Variants in ZNF831 observed in about 807,000 individuals in gnomAD.
ZNF831 encodes chromosome 20 open reading frame 174.
Under a neutral mutation model 95.8 loss-of-function variants are expected in ZNF831, and 59 were observed. That is an observed-to-expected ratio of 0.62 (90% CI 0.50 to 0.77). The LOEUF (loss-of-function observed/expected upper bound fraction) is 0.77, where lower values mean the gene tolerates loss of function less well. Ranked by LOEUF, ZNF831 falls within the 30% of genes least tolerant of loss-of-function variation. The probability of loss-of-function intolerance (pLI) is 0.00; values close to 1 mark genes in which losing one functional copy is unlikely to be tolerated. For synonymous variants in ZNF831, 961 were observed against 925.5 expected, an observed-to-expected ratio of 1.04 and a Z score of -0.70; for missense variants, 2,205 against 2,164.0, an observed-to-expected ratio of 1.02 and a Z score of -0.38.
chr20:59,238,794 A>G (rs1987149654), intron 4 of ZNF831, among the ~76,000 whole-genome samples: 1 of 152,038 alleles, frequency 6.6e-6, no homozygotes, highest in Non-Finnish European at 1.5e-5. Context: ...ATGCTATTTC[A>G]TCTCCTCTCG....
At position 59,169,412 on chromosome 20, in the gene ZNF831, G is replaced by A. The variant is rs1379747879; in HGVS notation, c.-37+5205G>A. 1.3e-5 allele frequency among the ~76,000 whole-genome samples: 2 copies of A among 152,116 alleles called. No individual in the cohort carries two copies. The highest frequency in any genetic ancestry group is 4.8e-5 in the African/African-American group (2 of 41,410). ...GTAGTGATAGCCCATTTTCCTTCCT[G>A]ACATTGATAGTTTGTGTCTTCTCTC... On this transcript the variant is annotated intron_variant, in intron 1 of 5. Transcript: ENST00000371030. This position sits in a 1 kb window ranked among gnomAD's most constrained non-coding sequence, Gnocchi z 4.1.
At chr20:59,219,780 A>G (rs1274775960) in intron 4 of ZNF831, among the ~76,000 whole-genome samples, 1 of 152,194 alleles carries the variant, frequency 6.6e-6, no homozygotes, top group Non-Finnish European at 1.5e-5. Flanking sequence ...TTTATCTAAA[A>G]TGCTAAGTGT....
chr20:59,252,925 C>G (rs1987968755), intron 4 of ZNF831, 53 bp from the exon 5 acceptor site: 1 of 1,569,528 alleles, frequency 6.4e-7, no homozygotes, highest in Admixed American at 1.8e-5. Flanking sequence ...GGAAATTACT[C>G]TTTGCTAATT....
At chr20:59,173,198 T>C (rs1208445937) in intron 1 of ZNF831, among the ~76,000 whole-genome samples, 1 of 152,232 alleles carries the variant, frequency 6.6e-6, no homozygotes, top group Admixed American at 6.5e-5. Flanking sequence ...CAAGATGTCC[T>C]CACCTCGAGT....
At position 59,210,869 on chromosome 20, in the gene ZNF831, T is replaced by C. The variant is rs1279171256; in HGVS notation, c.4027+3813T>C. Among the ~76,000 whole-genome samples the C allele has an allele frequency of 2.5e-5, 2 of 79,222 alleles. 1 individual carries two copies. The highest frequency in any genetic ancestry group is 1.4e-4 in the African/African-American group (2 of 13,986). 52.0% of individuals were successfully genotyped at this position (79,222 alleles called of 152,430 possible). A position where few individuals can be genotyped will look rare whatever the true frequency, so the allele number is the denominator to read the frequency against. On this transcript the variant is annotated intron_variant, in intron 4 of 5. Transcript: ENST00000371030. ...TAAAACCAAATCCCCCCGTCTCTACTAAAAATACAAAAAATTAGCCGGGCG... is the reference window on the plus strand; with the variant it reads ...TAAAACCAAATCCCCCCGTCTCTACCAAAAATACAAAAAATTAGCCGGGCG...
At chr20:59,214,593 T>TA (rs1343881906) in intron 4 of ZNF831, among the ~76,000 whole-genome samples, 1 of 152,204 alleles carries the variant, frequency 6.6e-6, no homozygotes. Context: ...TTTTCCCAGT[T>TA]AGAGTCTCAC....
Position 59,191,234 on chromosome 20 carries a change from AGCCCCGC to A in ZNF831, c.223_229del (p.Ala75Ter). The A allele has an allele frequency of 6.5e-7, 1 of 1,547,556 alleles. No individual in the cohort carries two copies. Among genetic ancestry groups the A allele is most frequent in the Non-Finnish European group, 8.7e-7 (1 of 1,147,834 alleles). ...CACACGGTGCCTCCCGGGGGCCTCC[AGCCCCGC>A]GCCCCGCTAGTGACGGGCAGCCTAG... is the stretch of plus-strand genomic sequence containing the variant. On this transcript the variant is annotated frameshift_variant, in exon 2 of 6. Transcript: ENST00000371030. LOFTEE classifies it high-confidence loss of function.
intron 5 of ZNF831, 81 bp downstream of exon 5, chr20:59,253,219 A>G: frequency 6.7e-7 from 1 of 1,503,194 alleles, no homozygotes; most frequent in Non-Finnish European, 9.0e-7. Context: ...GCTCTTGTTC[A>G]GTGTGGCAGA....
At chr20:59,232,632 T>C (rs1986786137) in intron 4 of ZNF831, among the ~76,000 whole-genome samples, 1 of 152,142 alleles carries the variant, frequency 6.6e-6, no homozygotes, top group African/African-American at 2.4e-5. Context: ...TAGTCAATGG[T>C]ATAAGTTTTG....
chr20:59,238,276 G>A (rs1478045967), intron 4 of ZNF831, among the ~76,000 whole-genome samples: 1 of 152,118 alleles, frequency 6.6e-6, no homozygotes, highest in East Asian at 1.9e-4. Flanking sequence ...TGATTTCTGG[G>A]CCTTCTGTTT....
intron 1 of ZNF831, among the ~76,000 whole-genome samples, chr20:59,174,714 C>A (rs1982004074): frequency 6.6e-6 from 1 of 151,556 alleles, no homozygotes; most frequent in African/African-American, 2.4e-5. Context: ...GGTGACAAAG[C>A]AAGACCCTGT....
chr20:59,250,802 T>G (rs1568797380), intron 4 of ZNF831, among the ~76,000 whole-genome samples: 2 of 152,048 alleles, frequency 1.3e-5, no homozygotes, highest in Admixed American at 1.3e-4. Flanking sequence ...GAATATAAAG[T>G]TGAGGAAATT....
chr20:59,253,494 A>G (rs1568799749), intron 5 of ZNF831, among the ~76,000 whole-genome samples: 1 of 152,186 alleles, frequency 6.6e-6, no homozygotes, highest in Non-Finnish European at 1.5e-5. Flanking sequence ...ATGTATCCAG[A>G]CCACATTTGG....
At chr20:59,127,994 G>C (rs557690240) in intron 1 of ZNF831, among the ~76,000 whole-genome samples, 2 of 152,238 alleles carry the variant, frequency 1.3e-5, no homozygotes, top group African/African-American at 4.8e-5. Context: ...TGGATGCTGG[G>C]CTGCCTATCC....
chr20:59,171,013 G>T (rs961159837), intron 1 of ZNF831, among the ~76,000 whole-genome samples: 8 of 152,226 alleles, frequency 5.3e-5, no homozygotes, highest in African/African-American at 1.9e-4. Context: ...GTTGCAGAAG[G>T]AGCAGATCCA....
chr20:59,238,849 TCC>T (rs35243315), intron 4 of ZNF831, among the ~76,000 whole-genome samples: 4 of 125,360 alleles, frequency 3.2e-5, no homozygotes, highest in Non-Finnish European at 7.0e-5. Context: ...TGGATTTCTT[TCC>T]CTGAGATAAG....
intron 4 of ZNF831, among the ~76,000 whole-genome samples, chr20:59,211,890 T>C (rs914095375): frequency 6.6e-6 from 1 of 152,122 alleles, no homozygotes; most frequent in Non-Finnish European, 1.5e-5. Flanking sequence ...TGGGGTAATC[T>C]GTTTTGGGTG....
intron 1 of ZNF831, among the ~76,000 whole-genome samples, chr20:59,137,562 G>A (rs566987446): frequency 6.6e-6 from 1 of 152,164 alleles, no homozygotes; most frequent in African/African-American, 2.4e-5. Flanking sequence ...CTTTAATTCC[G>A]TAGAAGTTGA....
At chr20:59,225,968 A>G (rs754418273) in intron 4 of ZNF831, among the ~76,000 whole-genome samples, 5 of 152,194 alleles carry the variant, frequency 3.3e-5, no homozygotes, top group Admixed American at 2.0e-4. Flanking sequence ...CCCTCTTCAA[A>G]TCAGAGTAGA....
Sources: gnomAD v4.1 joint callset for allele counts (sites outside exome capture counted in the v4.1 genomes callset) on GRCh38, gnomAD v4.1.1 for gene constraint, Gnocchi (gnomAD v3.1) non-coding constraint, MANE v1.5 for transcripts, NCBI Gene and HGNC (gene_info 2026-07-23, HGNC 2026-07-21) for gene names.